The following RAI1 variants were observed in gnomAD, a reference collection of about 807,000 sequenced individuals.
RAI1 encodes the protein retinoic acid induced 1.
RAI1 carries 9 observed loss-of-function variants against 123.8 expected under a neutral mutation model. That is an observed-to-expected ratio of 0.07 (90% CI 0.04 to 0.13). RAI1 has a LOEUF of 0.13. RAI1 is among the 10% of genes least tolerant of loss of function. The pLI is 1.00. For missense variants in RAI1, 2,256 were observed against 2,545.8 expected, an observed-to-expected ratio of 0.89 and a Z score of 2.45; for synonymous variants, 1,231 against 1,127.3, an observed-to-expected ratio of 1.09 and a Z score of -1.84.
Position 17,798,240 on chromosome 17 carries a change from C to A in RAI1, c.5292C>A (p.Ala1764=). ...GGCCTGACGGCCCAGCTGACCCGGC[C>A]AAGCAGGGCCCACTGCGCACCAGTG... ...PPRPDGPADP[A]KQGPLRTSAR... is the part of the protein sequence containing the mutation. The change falls in exon 3 of 6, where the codon GCC becomes GCA. Residue 1764 remains alanine, a synonymous_variant. Transcript: ENST00000353383. The A allele has an allele frequency of 6.2e-7, 1 of 1,609,514 alleles. No homozygotes were observed.
intron 2 of RAI1, among the ~76,000 whole-genome samples, chr17:17,724,406 CTTT>C (rs771760855): frequency 6.7e-5 from 7 of 103,748 alleles, no homozygotes; most frequent in African/African-American, 1.5e-4. Flanking sequence ...TCTTTCTTTC[CTTT>C]TTTTTTTTTT....
Position 17,795,499 on chromosome 17 carries a change from G to T in RAI1, c.2551G>T (p.Gly851Trp). 1 of 1,588,516 alleles carries T rather than the reference G, an allele frequency of 6.3e-7. No homozygotes were observed. The highest frequency in any genetic ancestry group is 2.3e-5 in the East Asian group (1 of 43,454). The change falls in exon 3 of 6, where the codon GGG becomes TGG. Residue 851 changes from glycine (G) to tryptophan (W), a missense_variant. Gly to Trp is a radical substitution (Grantham distance 184, BLOSUM62 -2). Coordinates refer to ENST00000353383, the MANE Select transcript of RAI1 (RefSeq NM_030665.4). The surrounding 1 kb of genome is among the most constrained non-coding windows in gnomAD (Gnocchi z 5.9). ...GCACTGCTGTTCCACCGCCGACTTCGGGGACCTCCCACTGCTGCCACCCAC... is the reference window on the plus strand; with the variant it reads ...GCACTGCTGTTCCACCGCCGACTTCTGGGACCTCCCACTGCTGCCACCCAC... ...SRHCCSTADF[G>W]DLPLLPPTSR...
chr17:17,752,726 A>G (rs2030256813), intron 2 of RAI1, among the ~76,000 whole-genome samples: 1 of 152,166 alleles, frequency 6.6e-6, no homozygotes, highest in African/African-American at 2.4e-5. Flanking sequence ...TCACCACCAC[A>G]GGGCCTTTGC....
intron 2 of RAI1, among the ~76,000 whole-genome samples, chr17:17,743,257 C>A (rs1412870410): frequency 6.6e-6 from 1 of 152,222 alleles, no homozygotes; most frequent in African/African-American, 2.4e-5. Context: ...CCCAGAGTGC[C>A]TCCCAATGGG....
chr17:17,795,291 A>G lies in RAI1; in HGVS notation c.2343A>G (p.Lys781=). The stretch of plus-strand genomic sequence containing the variant: ...GGAAGGCCTCAGATGGCATCAGCAA[A>G]GGGGACACCCATGAGGCTTCGGCCT... ...QGGKASDGIS[K]GDTHEASACL... is the part of the protein sequence containing the mutation. Residue 781 remains lysine, a synonymous_variant, in exon 3 of 6, where the codon AAA becomes AAG. Coordinates refer to ENST00000353383, the MANE Select transcript of RAI1 (RefSeq NM_030665.4). This position sits in a 1 kb window ranked among gnomAD's most constrained non-coding sequence, Gnocchi z 5.9. The G allele has an allele frequency of 6.2e-7, 1 of 1,612,922 alleles. No individual in the cohort carries two copies. The highest frequency in any genetic ancestry group is 1.1e-5 in the South Asian group (1 of 91,066).
intron 1 of RAI1, chr17:17,684,941 C>T (rs1371153240): frequency 6.6e-6 from 1 of 152,120 alleles, no homozygotes; most frequent in East Asian, 1.9e-4. Context: ...TCTTTACAAT[C>T]AGGAGAATAA....
At chr17:17,753,218 G>A (rs2030287579) in intron 2 of RAI1, among the ~76,000 whole-genome samples, 1 of 152,218 alleles carries the variant, frequency 6.6e-6, no homozygotes, top group Non-Finnish European at 1.5e-5. Context: ...GGAAGGCAGG[G>A]TCACAGACAC....
At chr17:17,768,454 T>A (rs2142994433) in intron 2 of RAI1, among the ~76,000 whole-genome samples, 1 of 152,308 alleles carries the variant, frequency 6.6e-6, no homozygotes, top group Non-Finnish European at 1.5e-5. Flanking sequence ...CGGTGCTCAA[T>A]AGCTATTTGG....
At chr17:17,707,740 G>A (rs1198280802) in intron 1 of RAI1, among the ~76,000 whole-genome samples, 2 of 152,120 alleles carry the variant, frequency 1.3e-5, no homozygotes, top group Non-Finnish European at 2.9e-5. Context: ...CCACAGATGC[G>A]TGCCACCATG....
At chr17:17,798,910 C>A (rs1005472138) in intron 3 of RAI1, among the ~76,000 whole-genome samples, 3 of 152,212 alleles carry the variant, frequency 2.0e-5, no homozygotes, top group Non-Finnish European at 1.5e-5. Flanking sequence ...CCGGGCGGTG[C>A]AAGAGCAAGT....
At chr17:17,690,638 A>AGG (rs1176665648) in intron 1 of RAI1, among the ~76,000 whole-genome samples, 1 of 152,228 alleles carries the variant, frequency 6.6e-6, no homozygotes. Context: ...CTGGGCACAG[A>AGG]ATAGTGTGCT....
chr17:17,800,712 G>A lies in RAI1; in HGVS notation c.5565+2199G>A, dbSNP rs1322767058. On this transcript the variant is annotated intron_variant, in intron 3 of 5. Transcript: ENST00000353383. This position sits in a 1 kb window ranked among gnomAD's most constrained non-coding sequence, Gnocchi z 4.7. ...GCCTGCGCAACTAGGGCTGCCCCGGGAAGGTCGGAACCAGGAACACCCTGC... is the reference window on the plus strand; with the variant it reads ...GCCTGCGCAACTAGGGCTGCCCCGGAAAGGTCGGAACCAGGAACACCCTGC... Among the ~76,000 whole-genome samples, 1 of 152,268 alleles carries A rather than the reference G, an allele frequency of 6.6e-6. No individual in the cohort carries two copies. The highest frequency in any genetic ancestry group is 1.5e-5 in the Non-Finnish European group (1 of 68,036).
intron 2 of RAI1, among the ~76,000 whole-genome samples, chr17:17,757,632 A>G (rs1320876145): frequency 1.3e-5 from 2 of 151,042 alleles, no homozygotes; most frequent in East Asian, 3.9e-4. Context: ...CAACTCAACA[A>G]CCACTACCAC....
At chr17:17,778,615 C>T (rs1046349522) in intron 2 of RAI1, 5 of 405,004 alleles carry the variant, frequency 1.2e-5, no homozygotes, top group African/African-American at 1.0e-4. Context: ...ATGGTGGCTC[C>T]TCTCACCCCT....
chr17:17,702,388 T>C (rs1598021463), intron 1 of RAI1, among the ~76,000 whole-genome samples: 1 of 152,176 alleles, frequency 6.6e-6, no homozygotes, highest in Non-Finnish European at 1.5e-5. Context: ...GGTTCCTCAC[T>C]ACCAGGCCAA....
At chr17:17,771,832 C>G (rs2031171165) in intron 2 of RAI1, among the ~76,000 whole-genome samples, 1 of 152,238 alleles carries the variant, frequency 6.6e-6, no homozygotes, top group African/African-American at 2.4e-5. Context: ...CACTGACACC[C>G]AAACAGTGAT....
chr17:17,732,583 C>T (rs998123870), intron 2 of RAI1, among the ~76,000 whole-genome samples: 1 of 152,152 alleles, frequency 6.6e-6, no homozygotes, highest in Non-Finnish European at 1.5e-5. Flanking sequence ...ATTAATCCTA[C>T]AGGTCCCAAC....
rs950754511 is a variant in RAI1 at position 17,685,709 on chromosome 17, C to T, written c.-149+3916C>T. Reference sequence around the variant, plus strand: ...GATCGTTCTAAACCCAGCAGATAACCTCCAGTGGCTCCTGCTGCCTTATGA... The same window carrying T: ...GATCGTTCTAAACCCAGCAGATAACTTCCAGTGGCTCCTGCTGCCTTATGA... On this transcript the variant is annotated intron_variant, in intron 1 of 5. Transcript: ENST00000353383. This position sits in a 1 kb window ranked among gnomAD's most constrained non-coding sequence, Gnocchi z 4.0. Among the ~76,000 whole-genome samples, 12 of 152,196 alleles carry T rather than the reference C, an allele frequency of 7.9e-5. No homozygotes were observed. The highest frequency in any genetic ancestry group is 2.9e-4 in the African/African-American group (12 of 41,442).
chr17:17,701,286 G>A (rs952016561), intron 1 of RAI1, among the ~76,000 whole-genome samples: 3 of 152,206 alleles, frequency 2.0e-5, no homozygotes, highest in Non-Finnish European at 4.4e-5. Context: ...ATGGCCCTGG[G>A]GTTGTGGGGG....
Sources: gnomAD v4.1 joint callset for allele counts (sites outside exome capture counted in the v4.1 genomes callset) on GRCh38, gnomAD v4.1.1 for gene constraint, Gnocchi (gnomAD v3.1) non-coding constraint, MANE v1.5 for transcripts, NCBI Gene and HGNC (gene_info 2026-07-23, HGNC 2026-07-21) for gene names.